SPAG16: variants seen among roughly 807,000 people sequenced by gnomAD.
The protein encoded by SPAG16 is sperm associated antigen 16.
SPAG16 carries 86 observed loss-of-function variants against 80.4 expected under a neutral mutation model. The ratio of observed to expected loss-of-function variants is 1.07; its 90% CI spans 0.90 to 1.28. SPAG16 has a LOEUF of 1.28. SPAG16 is among the 50% of genes most tolerant of loss of function. The probability of loss-of-function intolerance (pLI) is 0.00; values close to 1 mark genes in which losing one functional copy is unlikely to be tolerated. For missense variants in SPAG16, 870 were observed against 765.3 expected, an observed-to-expected ratio of 1.14 and a Z score of -1.61; for synonymous variants, 294 against 265.9, an observed-to-expected ratio of 1.11 and a Z score of -1.03.
intron 10 of SPAG16, among the ~76,000 whole-genome samples, chr2:213,712,409 A>G (rs571976243): frequency 4.2e-4 from 64 of 152,312 alleles, no homozygotes; most frequent in South Asian, 1.0e-3. Context: ...TTCTACCCAT[A>G]TAAGATACTT....
chr2:213,284,472 G>T lies in SPAG16; in HGVS notation c.-12G>T. 6.4e-7 allele frequency: 1 copy of T among 1,558,410 alleles called. No individual in the cohort carries two copies. Among genetic ancestry groups the T allele is most frequent in the African/African-American group, 1.4e-5 (1 of 73,816 alleles). On this transcript the variant is annotated 5_prime_UTR_variant, in exon 1 of 16. Transcript: ENST00000331683. Reference sequence around the variant, plus strand: ...GTGGGCCTGCTGGGGGTGGGGGCCCGAAGCGCCAGAGATGGCTGCTCAGCG... The same window carrying T: ...GTGGGCCTGCTGGGGGTGGGGGCCCTAAGCGCCAGAGATGGCTGCTCAGCG...
intron 10 of SPAG16, among the ~76,000 whole-genome samples, chr2:213,724,065 T>A (rs571859596): frequency 6.6e-6 from 1 of 152,284 alleles, no homozygotes; most frequent in South Asian, 2.1e-4. Flanking sequence ...CAGACTGGAA[T>A]AGGGAAGTGT....
chr2:214,159,966 T>C (rs2056373516), intron 15 of SPAG16, among the ~76,000 whole-genome samples: 1 of 152,002 alleles, frequency 6.6e-6, no homozygotes, highest in South Asian at 2.1e-4. Flanking sequence ...ATATTTAATG[T>C]AAGCCTACTA....
intron 15 of SPAG16, among the ~76,000 whole-genome samples, chr2:214,216,286 CAAAATCTTTG>C (rs2058429735): frequency 6.6e-6 from 1 of 151,904 alleles, no homozygotes; most frequent in South Asian, 2.1e-4. Flanking sequence ...TTGGATTATT[CAAAATCTTTG>C]AAAAATGCTG....
At chr2:213,739,674 T>C (rs1381377824) in intron 10 of SPAG16, among the ~76,000 whole-genome samples, 1 of 152,204 alleles carries the variant, frequency 6.6e-6, no homozygotes, top group Non-Finnish European at 1.5e-5. Context: ...GGATCTCGGC[T>C]CACTGCAACC....
At chr2:213,991,605 C>T (rs550099511) in intron 12 of SPAG16, among the ~76,000 whole-genome samples, 2 of 152,236 alleles carry the variant, frequency 1.3e-5, no homozygotes, top group East Asian at 3.9e-4. Flanking sequence ...GCATTTCTAC[C>T]TTGTCCTGAT....
At chr2:213,289,921 A>G (rs1163596530) in intron 1 of SPAG16, among the ~76,000 whole-genome samples, 2 of 152,260 alleles carry the variant, frequency 1.3e-5, no homozygotes, top group African/African-American at 4.8e-5. Context: ...TGCTGCTCAC[A>G]TCTGAAAATT....
intron 11 of SPAG16, among the ~76,000 whole-genome samples, chr2:213,914,475 A>G (rs1472330039): frequency 6.6e-6 from 1 of 152,128 alleles, no homozygotes. Context: ...CTTCCATTCT[A>G]TTATTCTATC....
At chr2:213,560,889 A>G (rs925765396) in intron 10 of SPAG16, among the ~76,000 whole-genome samples, 4 of 152,170 alleles carry the variant, frequency 2.6e-5, no homozygotes, top group African/African-American at 9.7e-5. Flanking sequence ...GGGGAGATGG[A>G]GTCTTGCTCT....
intron 14 of SPAG16, among the ~76,000 whole-genome samples, chr2:214,146,232 C>T (rs78979020): frequency 0.048 from 7,319 of 152,242 alleles, 230 homozygotes; most frequent in Middle Eastern, 0.12. Flanking sequence ...CACATCTCTC[C>T]ATCTCCACAT....
chr2:213,788,218 T>A (rs2070461979), intron 10 of SPAG16, among the ~76,000 whole-genome samples: 1 of 151,814 alleles, frequency 6.6e-6, no homozygotes, highest in South Asian at 2.1e-4. Flanking sequence ...AAATTAAGAG[T>A]TAAATAAATT....
At chr2:213,787,872 A>C (rs1369424440) in intron 10 of SPAG16, among the ~76,000 whole-genome samples, 3 of 152,060 alleles carry the variant, frequency 2.0e-5, no homozygotes, top group Non-Finnish European at 4.4e-5. Flanking sequence ...GGAATTAAAA[A>C]TCTGGATACT....
intron 9 of SPAG16, among the ~76,000 whole-genome samples, chr2:213,460,570 G>T (rs2072303392): frequency 6.6e-6 from 1 of 152,074 alleles, no homozygotes; most frequent in Non-Finnish European, 1.5e-5. Flanking sequence ...TAAGAAAAAT[G>T]TTTGCAATAA....
intron 10 of SPAG16, among the ~76,000 whole-genome samples, chr2:213,496,741 A>G (rs2074508672): frequency 6.6e-6 from 1 of 150,866 alleles, no homozygotes; most frequent in Non-Finnish European, 1.5e-5. Context: ...TAAGTACTTA[A>G]TTATATATAT....
At chr2:214,147,983 C>T (rs975780166) in intron 14 of SPAG16, among the ~76,000 whole-genome samples, 6 of 152,002 alleles carry the variant, frequency 3.9e-5, no homozygotes, top group African/African-American at 1.2e-4. Flanking sequence ...AAGGTATTAA[C>T]ATTAACATTT....
At chr2:213,777,845 C>T (rs866692903) in intron 10 of SPAG16, among the ~76,000 whole-genome samples, 1 of 152,110 alleles carries the variant, frequency 6.6e-6, no homozygotes, top group Non-Finnish European at 1.5e-5. Flanking sequence ...CCTGTAAGAA[C>T]AATTTAATTG....
intron 10 of SPAG16, among the ~76,000 whole-genome samples, chr2:213,796,389 A>C (rs2071029561): frequency 6.6e-6 from 1 of 152,156 alleles, no homozygotes; most frequent in Admixed American, 6.6e-5. Flanking sequence ...AATGTAAATA[A>C]TTTGTGTTTT....
intron 11 of SPAG16, among the ~76,000 whole-genome samples, chr2:213,915,006 A>G (rs951965668): frequency 2.0e-5 from 3 of 152,150 alleles, no homozygotes; most frequent in African/African-American, 7.2e-5. Flanking sequence ...AAGAGGTTTA[A>G]TGACTCACAG....
chr2:214,272,225 T>C (rs906267736), intron 15 of SPAG16, among the ~76,000 whole-genome samples: 2 of 152,188 alleles, frequency 1.3e-5, no homozygotes, highest in African/African-American at 4.8e-5. Flanking sequence ...TTTTATTATA[T>C]TTTGCTATCA....
Sources: allele counts gnomAD v4.1 joint callset (sites outside exome capture counted in the v4.1 genomes callset), GRCh38; gene constraint gnomAD v4.1.1; transcripts MANE v1.5; gene names NCBI Gene and HGNC (gene_info 2026-07-23, HGNC 2026-07-21).